Variants in KAT6B observed in about 807,000 individuals in gnomAD.
KAT6B encodes histone acetyltransferase KAT6B.
KAT6B carries 10 observed loss-of-function variants against 187.5 expected under a neutral mutation model. The ratio of observed to expected loss-of-function variants is 0.05; its 90% CI spans 0.03 to 0.09. KAT6B has a LOEUF of 0.09. KAT6B is among the 10% of genes least tolerant of loss of function. The probability of loss-of-function intolerance (pLI) is 1.00; values close to 1 mark genes in which losing one functional copy is unlikely to be tolerated. For missense variants in KAT6B, 1,952 were observed against 2,558.9 expected (o/e 0.76, Z 5.12); for synonymous variants, 861 against 926.8 (o/e 0.93, Z 1.29).
chr10:75,029,750 G>C lies in KAT6B; in HGVS notation c.4926G>C (p.Gln1642His). ...DQSAISVPSL[Q>H]NMETSPMMDV... is the part of the protein sequence containing the mutation. ...GTGCCATCTCAGTGCCATCTCTGCAGAACATGGAAACCAGTCCCATGATGG... is the reference window on the plus strand; with the variant it reads ...GTGCCATCTCAGTGCCATCTCTGCACAACATGGAAACCAGTCCCATGATGG... Residue 1642 changes from glutamine (Q) to histidine (H), a missense_variant, in exon 18 of 18, where the codon CAG becomes CAC. Physicochemically the swap from Gln to His is conservative, Grantham distance 24. Transcript: ENST00000287239. The surrounding 1 kb of genome is among the most constrained non-coding windows in gnomAD (Gnocchi z 6.2). 6.2e-7 allele frequency: 1 copy of C among 1,614,172 alleles called. No individual in the cohort carries two copies. The highest frequency in any genetic ancestry group is 8.5e-7 in the Non-Finnish European group (1 of 1,180,034).
chr10:74,909,761 G>A (rs796117238), intron 3 of KAT6B, among the ~76,000 whole-genome samples: 13 of 152,208 alleles, frequency 8.5e-5, no homozygotes, highest in African/African-American at 2.9e-4. Context: ...TCTATATAGA[G>A]TACTCAGCAC....
At chr10:74,864,798 C>T (rs1447822577) in intron 3 of KAT6B, among the ~76,000 whole-genome samples, 1 of 152,202 alleles carries the variant, frequency 6.6e-6, no homozygotes, top group Non-Finnish European at 1.5e-5. Context: ...AGTTTTACCT[C>T]ATTGGCCCTG....
At chr10:74,947,530 G>A (rs1840037135) in intron 3 of KAT6B, among the ~76,000 whole-genome samples, 1 of 152,220 alleles carries the variant, frequency 6.6e-6, no homozygotes, top group South Asian at 2.1e-4. Flanking sequence ...CATCTACTGT[G>A]TGTATAATTC....
chr10:74,938,204 C>G (rs892976877), intron 3 of KAT6B, among the ~76,000 whole-genome samples: 9 of 152,186 alleles, frequency 5.9e-5, no homozygotes, highest in Non-Finnish European at 1.3e-4. Flanking sequence ...TCAATCTAAC[C>G]TGGGAGCTTG....
chr10:74,955,594 C>A (rs60799646), intron 3 of KAT6B, among the ~76,000 whole-genome samples: 2 of 151,912 alleles, frequency 1.3e-5, no homozygotes, highest in African/African-American at 4.8e-5. Context: ...TTTTCTGAAT[C>A]ATTGGAGAGT....
At chr10:74,832,190 A>G (rs934786680) in intron 1 of KAT6B, among the ~76,000 whole-genome samples, 4 of 152,226 alleles carry the variant, frequency 2.6e-5, no homozygotes, top group African/African-American at 9.6e-5. Context: ...GAGTAGAGCT[A>G]TAATATTTAT....
chr10:75,005,533 A>G (rs955746753), intron 13 of KAT6B, among the ~76,000 whole-genome samples: 1 of 152,124 alleles, frequency 6.6e-6, no homozygotes, highest in African/African-American at 2.4e-5. Flanking sequence ...CAACACAACT[A>G]TAACTTCAGC....
intron 3 of KAT6B, among the ~76,000 whole-genome samples, chr10:74,887,072 A>G (rs1403484936): frequency 1.3e-5 from 2 of 152,184 alleles, no homozygotes; most frequent in African/African-American, 4.8e-5. Flanking sequence ...CTCTGGGGAC[A>G]GGGGACTGTC....
intron 3 of KAT6B, among the ~76,000 whole-genome samples, chr10:74,913,550 G>A (rs1847409104): frequency 6.6e-6 from 1 of 152,226 alleles, no homozygotes; most frequent in South Asian, 2.1e-4. Context: ...CATAAAGGGG[G>A]ACTACTGTAT....
chr10:74,845,396 C>T (rs1246232183), intron 3 of KAT6B, among the ~76,000 whole-genome samples: 1 of 148,948 alleles, frequency 6.7e-6, no homozygotes, highest in Non-Finnish European at 1.5e-5. Context: ...GTGGGGGGCA[C>T]CTGTAGTCCC....
Position 74,962,501 on chromosome 10 carries a change from A to G in KAT6B, c.730+2423A>G, listed in dbSNP as rs553636284. Among the ~76,000 whole-genome samples the G allele has an allele frequency of 4.6e-5, 7 of 152,302 alleles. No homozygotes were observed. In the South Asian group the frequency reaches 1.0e-3, roughly 23 times the overall value. ...CTCAGAAGAGTCTATTGGTTCTGGG[A>G]TTGAATTGAGACCGTTCATAATGTT... On this transcript the variant is annotated intron_variant, in intron 4 of 17. Coordinates refer to ENST00000287239, the MANE Select transcript of KAT6B (RefSeq NM_012330.4).
intron 3 of KAT6B, among the ~76,000 whole-genome samples, chr10:74,846,647 C>G (rs1295344008): frequency 1.3e-5 from 2 of 152,104 alleles, no homozygotes; most frequent in Non-Finnish European, 2.9e-5. Flanking sequence ...CCATGTTGGC[C>G]AGGATGGCCT....
chr10:74,995,055 C>T (rs1843341233), intron 13 of KAT6B, among the ~76,000 whole-genome samples: 1 of 152,200 alleles, frequency 6.6e-6, no homozygotes, highest in Admixed American at 6.5e-5. Context: ...TCCCTCTTCC[C>T]ATGTAATTCC....
intron 13 of KAT6B, among the ~76,000 whole-genome samples, chr10:75,006,070 A>G (rs1844185258): frequency 6.6e-6 from 1 of 152,218 alleles, no homozygotes; most frequent in African/African-American, 2.4e-5. Flanking sequence ...GGGCAAATAC[A>G]GTCATCATTT....
intron 13 of KAT6B, among the ~76,000 whole-genome samples, chr10:75,008,063 A>G (rs1175588891): frequency 6.6e-6 from 1 of 152,208 alleles, no homozygotes; most frequent in Non-Finnish European, 1.5e-5. Context: ...TGTAAATTTC[A>G]CTTTCACTCT....
intron 3 of KAT6B, among the ~76,000 whole-genome samples, chr10:74,921,794 TA>T (rs1848154548): frequency 6.6e-6 from 1 of 152,240 alleles, no homozygotes; most frequent in Non-Finnish European, 1.5e-5. Context: ...GTTTCACTTG[TA>T]AACAAAATGC....
chr10:75,012,022 C>T (rs1022699900), intron 13 of KAT6B, among the ~76,000 whole-genome samples: 1 of 152,134 alleles, frequency 6.6e-6, no homozygotes, highest in Non-Finnish European at 1.5e-5. Flanking sequence ...CTTACTGGGA[C>T]CCATAATATA....
chr10:74,900,534 G>C (rs1005160398), intron 3 of KAT6B, among the ~76,000 whole-genome samples: 1 of 152,192 alleles, frequency 6.6e-6, no homozygotes, highest in Non-Finnish European at 1.5e-5. Context: ...CTTTTCCAGC[G>C]CACGTGTAGG....
intron 12 of KAT6B, among the ~76,000 whole-genome samples, chr10:74,988,372 C>T (rs559340542): frequency 2.6e-5 from 4 of 152,250 alleles, no homozygotes; most frequent in Admixed American, 6.5e-5. Flanking sequence ...TCAAACTGTT[C>T]GTAATATTTT....
Sources: gnomAD v4.1 joint callset for allele counts (sites outside exome capture counted in the v4.1 genomes callset) on GRCh38, gnomAD v4.1.1 for gene constraint, Gnocchi (gnomAD v3.1) non-coding constraint, MANE v1.5 for transcripts, NCBI Gene and HGNC (gene_info 2026-07-23, HGNC 2026-07-21) for gene names.